SYCP1: variants seen among roughly 807,000 people sequenced by gnomAD.
SYCP1 encodes the protein synaptonemal complex protein 1.
Under a neutral mutation model 153.1 loss-of-function variants are expected in SYCP1, and 64 were observed. The observed-to-expected ratio is 0.42, with a 90% CI of 0.34 to 0.51. The LOEUF is 0.51. SYCP1 is among the 20% of genes least tolerant of loss of function. The probability of loss-of-function intolerance (pLI) is 0.06; values close to 1 mark genes in which losing one functional copy is unlikely to be tolerated. For missense variants in SYCP1, 997 were observed against 1,049.0 expected, an observed-to-expected ratio of 0.95 and a Z score of 0.68; for synonymous variants, 384 against 341.8, an observed-to-expected ratio of 1.12 and a Z score of -1.36.
chr1:114,860,678 A>G, intron 7 of SYCP1, 58 bp from the exon 8 acceptor site: 4 of 1,095,156 alleles, frequency 3.7e-6, no homozygotes, highest in Non-Finnish European at 4.0e-6. Context: ...TAACTTATAT[A>G]TTGTGATTTT....
chr1:114,910,024 T>C (rs1668076782), intron 16 of SYCP1: 1 of 153,896 alleles, frequency 6.5e-6, no homozygotes, highest in Non-Finnish European at 1.4e-5. Context: ...CTACAATTAG[T>C]AGTTTTTATG....
intron 16 of SYCP1, among the ~76,000 whole-genome samples, chr1:114,899,179 G>A (rs971805627): frequency 7.2e-5 from 11 of 152,164 alleles, no homozygotes; most frequent in Non-Finnish European, 1.2e-4. Flanking sequence ...CTATATTGCC[G>A]TAAGTTAAGA....
rs186918900 is a variant in SYCP1, at chr1:114,970,480, T to G, written c.2323-7077T>G. Among the ~76,000 whole-genome samples, 490 of 152,218 alleles carry G rather than the reference T, an allele frequency of 3.2e-3. 2 individuals are homozygous for G. Among genetic ancestry groups the G allele is most frequent in the Middle Eastern group, 6.8e-3 (2 of 294 alleles). ...CTAGTGTGATCTTTTGATGGTGTTATAGAACCTTGTTTTGTCATATTACCA... is the reference window on the plus strand; with the variant it reads ...CTAGTGTGATCTTTTGATGGTGTTAGAGAACCTTGTTTTGTCATATTACCA... On this transcript the variant is annotated intron_variant, in intron 27 of 31. Coordinates refer to ENST00000369522, the MANE Select transcript of SYCP1 (RefSeq NM_003176.4).
At chr1:114,907,584 T>A (rs1443746690) in intron 16 of SYCP1, among the ~76,000 whole-genome samples, 1 of 133,300 alleles carries the variant, frequency 7.5e-6, no homozygotes, top group Non-Finnish European at 1.7e-5. Context: ...TGTTGAAACT[T>A]TTTTTTTTTT....
chr1:114,921,272 A>G (rs745834800), intron 20 of SYCP1, among the ~76,000 whole-genome samples: 5 of 151,808 alleles, frequency 3.3e-5, no homozygotes, highest in Non-Finnish European at 5.9e-5. Flanking sequence ...AAAACTCTAT[A>G]CTTTGTTTCC....
At chr1:114,899,359 A>C (rs948981842) in intron 16 of SYCP1, among the ~76,000 whole-genome samples, 7 of 152,238 alleles carry the variant, frequency 4.6e-5, no homozygotes, top group African/African-American at 1.7e-4. Context: ...ATTCCAAGCA[A>C]AAGTCAAAAA....
At chr1:114,979,223 TACTTA>T (rs138545717) in intron 28 of SYCP1, among the ~76,000 whole-genome samples, 3,802 of 151,678 alleles carry the variant, frequency 0.025, 183 homozygotes, top group African/African-American at 0.088. Flanking sequence ...TTGGACAAGT[TACTTA>T]ACTTCTTCGT....
chr1:114,886,962 TA>T (rs1666354318), intron 14 of SYCP1, among the ~76,000 whole-genome samples: 1 of 152,082 alleles, frequency 6.6e-6, no homozygotes, highest in Non-Finnish European at 1.5e-5. Flanking sequence ...GAGGCCTAGA[TA>T]ATTATTTTTT....
At chr1:114,937,389 T>G (rs189919572) in intron 23 of SYCP1, among the ~76,000 whole-genome samples, 5,171 of 152,280 alleles carry the variant, frequency 0.034, 294 homozygotes, top group African/African-American at 0.12. Flanking sequence ...TATACAAAAA[T>G]TAATTCAAGA....
chr1:114,858,814 G>C (rs1222286562), intron 6 of SYCP1, 103 bp downstream of exon 6: 1 of 1,014,894 alleles, frequency 9.9e-7, no homozygotes, highest in East Asian at 2.4e-5. Context: ...TCTTGTTTTT[G>C]TGATGAATAT....
intron 20 of SYCP1, among the ~76,000 whole-genome samples, chr1:114,917,875 G>A (rs962321034): frequency 6.6e-5 from 10 of 151,234 alleles, no homozygotes; most frequent in Admixed American, 2.0e-4. Flanking sequence ...CTTATATATT[G>A]TGTGTATTAA....
At chr1:114,949,521 CCTT>C (rs1670955246) in intron 27 of SYCP1, among the ~76,000 whole-genome samples, 1 of 152,150 alleles carries the variant, frequency 6.6e-6, no homozygotes, top group South Asian at 2.1e-4. Flanking sequence ...GAGAGGCCCT[CCTT>C]CTGCTATGTG....
intron 30 of SYCP1, among the ~76,000 whole-genome samples, chr1:114,991,601 C>A (rs1673925867): frequency 6.6e-6 from 1 of 151,736 alleles, no homozygotes; most frequent in East Asian, 1.9e-4. Context: ...CAAAATCCAA[C>A]ATGCTTCATG....
intron 30 of SYCP1, among the ~76,000 whole-genome samples, chr1:114,993,930 A>C (rs1347189632): frequency 1.3e-5 from 2 of 150,776 alleles, no homozygotes; most frequent in African/African-American, 4.9e-5. Context: ...TTCTGTCTCT[A>C]TGATTTTCCC....
intron 8 of SYCP1, among the ~76,000 whole-genome samples, chr1:114,864,062 C>G (rs916465788): frequency 6.7e-6 from 1 of 150,146 alleles, no homozygotes; most frequent in Non-Finnish European, 1.5e-5. Context: ...ATAGGTGCAG[C>G]AAACCACCAT....
intron 8 of SYCP1, among the ~76,000 whole-genome samples, chr1:114,861,583 C>T (rs184679153): frequency 8.6e-4 from 131 of 152,222 alleles, no homozygotes; most frequent in Admixed American, 2.2e-3. Context: ...CAAATTTAGA[C>T]TTTCAGTTTC....
chr1:114,965,311 A>G (rs1672046572), intron 27 of SYCP1, among the ~76,000 whole-genome samples: 1 of 152,184 alleles, frequency 6.6e-6, no homozygotes, highest in Admixed American at 6.5e-5. Context: ...AAACAGAGAC[A>G]ATTTGACTTG....
At chr1:114,920,381 C>G (rs776793664) in intron 20 of SYCP1, among the ~76,000 whole-genome samples, 2 of 152,014 alleles carry the variant, frequency 1.3e-5, no homozygotes, top group Non-Finnish European at 2.9e-5. Flanking sequence ...TGTTTTAAGA[C>G]TTGTTTTGTG....
chr1:114,901,983 T>C (rs1020327778), intron 16 of SYCP1, among the ~76,000 whole-genome samples: 12 of 151,960 alleles, frequency 7.9e-5, no homozygotes, highest in African/African-American at 2.7e-4. Context: ...GAGAGAAGCA[T>C]AATTGCTGTG....
Sources: gnomAD v4.1 joint callset for allele counts (sites outside exome capture counted in the v4.1 genomes callset) on GRCh38, gnomAD v4.1.1 for gene constraint, MANE v1.5 for transcripts, NCBI Gene and HGNC (gene_info 2026-07-23, HGNC 2026-07-21) for gene names.